Variants in EGFL6 observed in about 807,000 individuals in gnomAD.
EGFL6 encodes EGF like domain multiple 6, also known as epidermal growth factor-like protein 6.
In EGFL6, 42 loss-of-function variants were observed where a neutral mutation model predicts 43.1. The observed-to-expected ratio is 0.98, with a 90% CI of 0.76 to 1.26. The LOEUF (loss-of-function observed/expected upper bound fraction) is 1.26. Ranked by LOEUF, EGFL6 falls within the 50% of genes most tolerant of loss-of-function variation. The pLI is 0.00. For missense variants in EGFL6, 429 were observed against 427.8 expected (o/e 1.00, Z -0.02); for synonymous variants, 164 against 163.2 (o/e 1.01, Z -0.04).
At chrX:13,622,025 T>C (rs1017157369) in intron 9 of EGFL6, among the ~76,000 whole-genome samples, 3 of 112,412 alleles carry the variant, frequency 2.7e-5, no homozygotes, top group Non-Finnish European at 5.6e-5. Flanking sequence ...ACCACAATTG[T>C]AAACCAACTG....
chrX:13,606,654 T>C (rs938137615), intron 6 of EGFL6, 141 bp downstream of exon 6: 1 of 599,935 alleles, frequency 1.7e-6, no homozygotes, highest in African/African-American at 2.3e-5. Flanking sequence ...GGAAAGGTTA[T>C]TTTTTTAGGT....
chrX:13,623,377 G>GTTTTTTTTGTTTTTTTTT (rs2045759447), intron 9 of EGFL6, among the ~76,000 whole-genome samples: 1 of 40,371 alleles, frequency 2.5e-5, no homozygotes, highest in African/African-American at 1.1e-4. Flanking sequence ...TTTATTTTGG[G>GTTTTTTTTGTTTTTTTTT]TTTTTTTTTT....
chrX:13,590,613 C>T (rs192580234), intron 2 of EGFL6, among the ~76,000 whole-genome samples: 83 of 112,040 alleles, frequency 7.4e-4, no homozygotes, highest in Non-Finnish European at 1.2e-3. Context: ...TGTTCCTGCC[C>T]CAACCTCCTT....
chrX:13,595,432 T>C (rs1265164503), intron 3 of EGFL6, among the ~76,000 whole-genome samples: 2 of 112,009 alleles, frequency 1.8e-5, no homozygotes, highest in Non-Finnish European at 3.8e-5. Context: ...TAAATGTAAG[T>C]TTTTCTCATA....
chrX:13,575,651 A>G (rs1037485808), intron 1 of EGFL6, among the ~76,000 whole-genome samples: 5 of 112,420 alleles, frequency 4.4e-5, no homozygotes, highest in African/African-American at 1.6e-4. Flanking sequence ...AGGTACGTTC[A>G]GAAAAGATAG....
intron 1 of EGFL6, among the ~76,000 whole-genome samples, chrX:13,589,349 C>T (rs1024481447): frequency 1.8e-5 from 2 of 111,772 alleles, no homozygotes; most frequent in Admixed American, 9.5e-5. Flanking sequence ...TTCTTTTAAC[C>T]GTGGGGAAGA....
At chrX:13,628,644 T>C (rs975024339) in intron 11 of EGFL6, among the ~76,000 whole-genome samples, 1 of 111,002 alleles carries the variant, frequency 9.0e-6, no homozygotes, top group Non-Finnish European at 1.9e-5. Flanking sequence ...AGAAACCCCA[T>C]CTCTACTAAA....
chrX:13,602,186 C>T (rs995204178), intron 4 of EGFL6, among the ~76,000 whole-genome samples: 3 of 110,769 alleles, frequency 2.7e-5, no homozygotes, highest in Non-Finnish European at 3.8e-5. Context: ...GATTGGATTC[C>T]ACCAGGCCCC....
chrX:13,623,901 T>C lies in EGFL6; in HGVS notation c.1261T>C (p.Trp421Arg), dbSNP rs1276039826. 4 of 1,203,422 alleles carry C rather than the reference T, an allele frequency of 3.3e-6. No individual in the cohort carries two copies. Among genetic ancestry groups the C allele is most frequent in the East Asian group, 3.0e-5 (1 of 33,801 alleles). Residue 421 changes from tryptophan (W) to arginine (R), a missense_variant, in exon 10 of 12, where the codon TGG becomes CGG. By Grantham distance (101) the Trp-to-Arg change is moderately radical. Coordinates refer to ENST00000361306, the MANE Select transcript of EGFL6 (RefSeq NM_015507.4). Reference sequence around the variant, plus strand: ...ACAGGATAGAGAAGATGATTTTGACTGGAATCCTGCTGATCGAGATAATGG... The same window carrying C: ...ACAGGATAGAGAAGATGATTTTGACCGGAATCCTGCTGATCGAGATAATGG... ...WKQDREDDFD[W>R]NPADRDNAIG...
intron 3 of EGFL6, 142 bp from the exon 4 acceptor site, chrX:13,599,833 G>C (rs2146971005): frequency 1.9e-6 from 1 of 538,239 alleles, no homozygotes; most frequent in African/African-American, 2.4e-5. Context: ...AATGGAATTT[G>C]ATGGTCAGAG....
At chrX:13,623,386 T>TTTTTTG (rs2045760343) in intron 9 of EGFL6, among the ~76,000 whole-genome samples, 3 of 70,160 alleles carry the variant, frequency 4.3e-5, no homozygotes, top group African/African-American at 1.7e-4. Context: ...GGTTTTTTTT[T>TTTTTTG]TTTTTTTTTT....
At chrX:13,611,242 G>A (rs1355648585) in intron 7 of EGFL6, among the ~76,000 whole-genome samples, 1 of 111,636 alleles carries the variant, frequency 9.0e-6, no homozygotes, top group Non-Finnish European at 1.9e-5. Flanking sequence ...GTTTAAATGA[G>A]GTAATATAGA....
chrX:13,572,268 G>A (rs1369707467), intron 1 of EGFL6, among the ~76,000 whole-genome samples: 6 of 111,727 alleles, frequency 5.4e-5, no homozygotes, highest in African/African-American at 2.0e-4. Flanking sequence ...AAGTTGAGAT[G>A]TGCTGCAAAA....
intron 1 of EGFL6, among the ~76,000 whole-genome samples, chrX:13,573,953 C>T (rs2045456599): frequency 8.9e-6 from 1 of 112,456 alleles, no homozygotes; most frequent in East Asian, 2.8e-4. Flanking sequence ...CACCCAGTAC[C>T]ACCACTTTCC....
In EGFL6 at chrX:13,577,298, TTATATATATATATATATATATATATA is replaced by T. The variant is rs1199851773; in HGVS notation, c.74+7382_74+7407del. 2.0e-4 allele frequency among the ~76,000 whole-genome samples: 5 copies of T among 24,479 alleles called. 1 individual carries two copies. Among genetic ancestry groups the T allele is most frequent in the Admixed American group, 4.7e-4 (1 of 2,139 alleles). 21.3% of individuals were successfully genotyped at this position (24,479 alleles called of 115,157 possible). ...ACATAATGTTATTTATATATGAATTTTATATATATATATATATATATATATATATATATATATATATATACATACAC... is the reference window on the plus strand; with the variant it reads ...ACATAATGTTATTTATATATGAATTTTATATATATATATATATACATACAC... On this transcript the variant is annotated intron_variant, in intron 1 of 11. Transcript: ENST00000361306.
rs769354396 is a variant in EGFL6 at position 13,633,396 on chromosome X, TACA to T, written c.*305_*307del. 1.7e-3 allele frequency: 286 copies of T among 166,361 alleles called. 1 individual carries two copies. The highest frequency in any genetic ancestry group is 8.4e-3 in the African/African-American group (274 of 32,673). 13.7% of individuals were successfully genotyped at this position (166,361 alleles called of 1,213,427 possible). A position where few individuals can be genotyped will look rare whatever the true frequency, so the allele number is the denominator to read the frequency against. ...ATAAGTAAGTTGATGAGCTTCTCTC[TACA>T]ACATTTCTAGAAAATAGAAAAAAAA... On this transcript the variant is annotated 3_prime_UTR_variant, in exon 12 of 12. Coordinates refer to ENST00000361306, the MANE Select transcript of EGFL6 (RefSeq NM_015507.4).
intron 10 of EGFL6, among the ~76,000 whole-genome samples, chrX:13,625,544 C>T (rs2045773786): frequency 9.1e-6 from 1 of 109,804 alleles, no homozygotes; most frequent in African/African-American, 3.3e-5. Flanking sequence ...ATTAGCCGGG[C>T]GTGGTGGTGT....
chrX:13,595,475 C>T (rs757911078), intron 3 of EGFL6, among the ~76,000 whole-genome samples: 2 of 111,836 alleles, frequency 1.8e-5, no homozygotes, highest in Non-Finnish European at 3.8e-5. Context: ...CACAGAACTA[C>T]TTTACATTTT....
intron 1 of EGFL6, among the ~76,000 whole-genome samples, chrX:13,577,885 T>C (rs1037413781): frequency 8.9e-6 from 1 of 111,876 alleles, no homozygotes; most frequent in African/African-American, 3.3e-5. Context: ...AAACAGGCCA[T>C]TGCAGGCTCT....
Sources: allele counts gnomAD v4.1 joint callset (sites outside exome capture counted in the v4.1 genomes callset), GRCh38; gene constraint gnomAD v4.1.1; transcripts MANE v1.5; gene names NCBI Gene and HGNC (gene_info 2026-07-23, HGNC 2026-07-21).